SMAP1: variants seen among roughly 807,000 people sequenced by gnomAD.
SMAP1 encodes stromal membrane-associated protein 1.
A neutral mutation model predicts 58.5 loss-of-function variants in SMAP1; 24 were observed. That is an observed-to-expected ratio of 0.41 (90% CI 0.30 to 0.58). SMAP1 has a LOEUF of 0.58. Ranked by LOEUF, SMAP1 falls within the 20% of genes least tolerant of loss-of-function variation. The pLI is 0.29. For synonymous variants in SMAP1, 216 were observed against 196.6 expected, an observed-to-expected ratio of 1.10 and a Z score of -0.82; for missense variants, 563 against 566.3, an observed-to-expected ratio of 0.99 and a Z score of 0.06.
intron 7 of SMAP1, chr6:70,837,953 C>A (rs533024902): frequency 2.7e-6 from 3 of 1,096,486 alleles, no homozygotes; most frequent in Non-Finnish European, 3.4e-6. Context: ...GCTGGTACAT[C>A]GTACAAATAT....
At chr6:70,787,556 AAAGGGCT>A (rs1428589547) in intron 4 of SMAP1, among the ~76,000 whole-genome samples, 6 of 152,334 alleles carry the variant, frequency 3.9e-5, no homozygotes, top group Non-Finnish European at 7.3e-5. Context: ...CTCATCTGAC[AAAGGGCT>A]AATATCCAGA....
intron 7 of SMAP1, 110 bp from the exon 8 acceptor site, chr6:70,852,430 A>G (rs1283806974): frequency 8.0e-6 from 9 of 1,123,290 alleles, no homozygotes; most frequent in South Asian, 2.7e-5. Flanking sequence ...TGTTTTACCA[A>G]CTTTTGAACT....
intron 1 of SMAP1, among the ~76,000 whole-genome samples, chr6:70,689,947 CT>C (rs1278097475): frequency 1.3e-5 from 2 of 152,170 alleles, no homozygotes; most frequent in Admixed American, 6.5e-5. Context: ...GTTTTCATAG[CT>C]TTTTTCGTGG....
chr6:70,817,335 T>A (rs1333182554), intron 6 of SMAP1, among the ~76,000 whole-genome samples: 1 of 152,118 alleles, frequency 6.6e-6, no homozygotes, highest in Non-Finnish European at 1.5e-5. Context: ...TTTTCATAGT[T>A]GATTTAAAAA....
intron 6 of SMAP1, among the ~76,000 whole-genome samples, chr6:70,815,379 G>C (rs1769574186): frequency 6.6e-6 from 1 of 152,104 alleles, no homozygotes; most frequent in African/African-American, 2.4e-5. Flanking sequence ...AAGTTACCTT[G>C]GCAGTCCTGA....
chr6:70,755,132 A>G, intron 3 of SMAP1, 67 bp downstream of exon 3: 1 of 1,223,522 alleles, frequency 8.2e-7, no homozygotes, highest in South Asian at 1.3e-5. Flanking sequence ...TTCATATTTT[A>G]TCTGTTAGTA....
chr6:70,785,658 A>G (rs1767982689), intron 4 of SMAP1, among the ~76,000 whole-genome samples: 2 of 152,242 alleles, frequency 1.3e-5, no homozygotes, highest in East Asian at 1.9e-4. Flanking sequence ...CTACCATCAG[A>G]GAATACGACA....
intron 3 of SMAP1, among the ~76,000 whole-genome samples, chr6:70,761,576 G>T (rs1233121891): frequency 6.6e-6 from 1 of 151,996 alleles, no homozygotes; most frequent in Non-Finnish European, 1.5e-5. Flanking sequence ...AAACTTGATG[G>T]TATGCAAGCC....
intron 4 of SMAP1, among the ~76,000 whole-genome samples, chr6:70,781,269 T>C (rs1767753082): frequency 1.3e-5 from 2 of 152,232 alleles, no homozygotes; most frequent in Non-Finnish European, 2.9e-5. Context: ...AGGCTTCTTC[T>C]ACACACTTGG....
At chr6:70,762,628 G>A (rs1213390963) in intron 3 of SMAP1, among the ~76,000 whole-genome samples, 1 of 152,092 alleles carries the variant, frequency 6.6e-6, no homozygotes, top group Non-Finnish European at 1.5e-5. Flanking sequence ...AATTCACTTT[G>A]TAGTGTACTT....
chr6:70,847,174 G>A (rs540961434), intron 7 of SMAP1, among the ~76,000 whole-genome samples: 1 of 152,256 alleles, frequency 6.6e-6, no homozygotes, highest in African/African-American at 2.4e-5. Flanking sequence ...AGTTAATAGA[G>A]TCATTTGGCT....
chr6:70,798,992 A>G (rs1385874083), intron 6 of SMAP1, among the ~76,000 whole-genome samples: 1 of 152,056 alleles, frequency 6.6e-6, no homozygotes, highest in Non-Finnish European at 1.5e-5. Flanking sequence ...GACATAGAGA[A>G]TGGTGTTTTT....
intron 7 of SMAP1, among the ~76,000 whole-genome samples, chr6:70,840,099 A>G (rs1264449964): frequency 6.6e-6 from 1 of 152,228 alleles, no homozygotes; most frequent in African/African-American, 2.4e-5. Context: ...CAAAGATGAC[A>G]GCATATCTCC....
At chr6:70,802,636 G>T (rs1320589157) in intron 6 of SMAP1, among the ~76,000 whole-genome samples, 1 of 152,152 alleles carries the variant, frequency 6.6e-6, no homozygotes, top group Non-Finnish European at 1.5e-5. Context: ...GATATTGGCT[G>T]TGGGTTTGTC....
chr6:70,832,765 ACTAACCTATG>A (rs1458220214), intron 6 of SMAP1, among the ~76,000 whole-genome samples: 4 of 152,208 alleles, frequency 2.6e-5, no homozygotes, highest in Non-Finnish European at 5.9e-5. Context: ...TCTCTTGATA[ACTAACCTATG>A]CCTGTGGTAA....
At chr6:70,741,771 GCAACA>G (rs1271783761) in intron 2 of SMAP1, among the ~76,000 whole-genome samples, 7 of 152,172 alleles carry the variant, frequency 4.6e-5, no homozygotes, top group African/African-American at 1.7e-4. Flanking sequence ...CCCCACCCCT[GCAACA>G]AACTTCTGTT....
intron 1 of SMAP1, among the ~76,000 whole-genome samples, chr6:70,684,842 A>C (rs1009499552): frequency 6.6e-6 from 1 of 152,076 alleles, no homozygotes; most frequent in Admixed American, 6.6e-5. Flanking sequence ...TCTCTTTTAG[A>C]GGCACACTAG....
At chr6:70,794,479 G>A (rs1768510153) in intron 5 of SMAP1, among the ~76,000 whole-genome samples, 1 of 152,126 alleles carries the variant, frequency 6.6e-6, no homozygotes, top group African/African-American at 2.4e-5. Flanking sequence ...CAACGTGCAG[G>A]TTTGATACAT....
intron 6 of SMAP1, among the ~76,000 whole-genome samples, chr6:70,818,266 C>T (rs1769731466): frequency 6.6e-6 from 1 of 151,026 alleles, no homozygotes; most frequent in Admixed American, 6.6e-5. Context: ...ATTAGCTGGG[C>T]ATGGTGGCAG....
Sources: gnomAD v4.1 joint callset for allele counts (sites outside exome capture counted in the v4.1 genomes callset) on GRCh38, gnomAD v4.1.1 for gene constraint, MANE v1.5 for transcripts, NCBI Gene and HGNC (gene_info 2026-07-23, HGNC 2026-07-21) for gene names.